Variants in PKD1L1 observed in about 807,000 individuals in gnomAD.
The protein encoded by PKD1L1 is polycystin-1-like protein 1.
Under a neutral mutation model 323.4 loss-of-function variants are expected in PKD1L1, and 236 were observed. The ratio of observed to expected loss-of-function variants is 0.73; its 90% CI spans 0.66 to 0.81. The LOEUF is 0.81. Among genes scored for constraint, PKD1L1 ranks in the 40% least tolerant of loss-of-function variants. PKD1L1 has a pLI of 0.00. For synonymous variants in PKD1L1, 1,344 were observed against 1,335.0 expected (o/e 1.01, Z -0.15); for missense variants, 3,320 against 3,508.0 (o/e 0.95, Z 1.35).
chr7:47,888,355 C>G (rs1786729955), intron 16 of PKD1L1, among the ~76,000 whole-genome samples: 1 of 152,240 alleles, frequency 6.6e-6, no homozygotes, highest in Non-Finnish European at 1.5e-5. Flanking sequence ...TGCTCTAACA[C>G]TGTGAGATCC....
At chr7:47,877,136 G>T (rs1404035111) in intron 22 of PKD1L1, among the ~76,000 whole-genome samples, 2 of 152,034 alleles carry the variant, frequency 1.3e-5, no homozygotes, top group African/African-American at 4.8e-5. Context: ...GAGGGAAAGG[G>T]CCAGGCTCCT....
chr7:47,835,661 A>G (rs560041691), intron 37 of PKD1L1, among the ~76,000 whole-genome samples: 15 of 152,244 alleles, frequency 9.9e-5, no homozygotes, highest in African/African-American at 3.4e-4. Context: ...TCAGCCCCGC[A>G]AAGTGCTGGG....
chr7:47,897,943 C>A, intron 14 of PKD1L1, 45 bp downstream of exon 14: 2 of 1,463,184 alleles, frequency 1.4e-6, no homozygotes, highest in Non-Finnish European at 9.2e-7. Flanking sequence ...CGATGAGAAG[C>A]ATGGGTTTCA....
intron 2 of PKD1L1, among the ~76,000 whole-genome samples, chr7:47,943,166 ATAT>A (rs1788030591): frequency 2.4e-3 from 79 of 32,886 alleles, no homozygotes; most frequent in African/African-American, 4.9e-3. Context: ...AAAAAAAAAT[ATAT>A]ATATATATAT....
intron 25 of PKD1L1, 48 bp downstream of exon 25, chr7:47,866,371 C>T (rs1030075777): frequency 6.4e-6 from 10 of 1,572,148 alleles, no homozygotes; most frequent in Non-Finnish European, 7.8e-6. Flanking sequence ...AGCCCTGCCA[C>T]TTGATAAAGG....
In PKD1L1 at chr7:47,905,273, T is replaced by A; in HGVS notation, c.1575A>T (p.Thr525=). ...TTGTTTCCTTGGTAACAGCTGTAAA[T>A]GTAATGTCTGTGTCTGTGGCAAACA... ...GTVFATDTDI[T]FTAVTKETIP... Residue 525 remains threonine (T), a synonymous_variant, in exon 11 of 57, where the codon ACA becomes ACT. Transcript: ENST00000289672. The A allele has an allele frequency of 1.2e-6, 2 of 1,614,200 alleles. No homozygotes were observed. Among genetic ancestry groups the A allele is most frequent in the South Asian group, 1.1e-5 (1 of 91,080 alleles).
chr7:47,881,140 T>C (rs1196405047), intron 20 of PKD1L1, among the ~76,000 whole-genome samples: 1 of 152,128 alleles, frequency 6.6e-6, no homozygotes, highest in Non-Finnish European at 1.5e-5. Context: ...TAAATCATAC[T>C]ATAAAGTATG....
intron 41 of PKD1L1, among the ~76,000 whole-genome samples, chr7:47,832,622 C>T (rs1785370941): frequency 6.6e-6 from 1 of 152,174 alleles, no homozygotes; most frequent in Non-Finnish European, 1.5e-5. Flanking sequence ...CCTGCCAGGC[C>T]AGGCCCACCA....
chr7:47,947,526 C>T (rs1435065219), intron 1 of PKD1L1, among the ~76,000 whole-genome samples: 1 of 152,246 alleles, frequency 6.6e-6, no homozygotes, highest in Non-Finnish European at 1.5e-5. Flanking sequence ...GGTCACCTTG[C>T]TGGCCTCACG....
chr7:47,937,995 A>G (rs1460427106), intron 3 of PKD1L1, among the ~76,000 whole-genome samples: 1 of 152,016 alleles, frequency 6.6e-6, no homozygotes. Flanking sequence ...GAAGCTGGCC[A>G]CCTTGTTTCC....
chr7:47,943,158 AAAAAAATATAT>A (rs1316996742), intron 2 of PKD1L1, among the ~76,000 whole-genome samples: 100 of 65,298 alleles, frequency 1.5e-3, no homozygotes, highest in Admixed American at 3.0e-3. Context: ...AAAAAAAAAA[AAAAAAATATAT>A]ATATATATAT....
At chr7:47,903,244 A>G (rs912696101) in intron 12 of PKD1L1, among the ~76,000 whole-genome samples, 3 of 152,326 alleles carry the variant, frequency 2.0e-5, no homozygotes, top group South Asian at 4.1e-4. Context: ...CCAGAATATC[A>G]CTTGCCATCC....
intron 19 of PKD1L1, among the ~76,000 whole-genome samples, chr7:47,883,127 G>A (rs1257818937): frequency 1.3e-5 from 2 of 152,244 alleles, no homozygotes; most frequent in Admixed American, 6.5e-5. Context: ...ACGAATGTGA[G>A]CCTCTACAAC....
intron 31 of PKD1L1, among the ~76,000 whole-genome samples, chr7:47,847,792 T>A (rs1785696048): frequency 6.6e-6 from 1 of 152,160 alleles, no homozygotes; most frequent in African/African-American, 2.4e-5. Context: ...AACACATGAA[T>A]GACTTCTTTT....
In PKD1L1 at chr7:47,917,658, A is replaced by G. The variant is rs533257589; in HGVS notation, c.1061-2059T>C. Among the ~76,000 whole-genome samples, 4 of 152,324 alleles carry G rather than the reference A, an allele frequency of 2.6e-5. No homozygotes were observed. The South Asian group carries it at 8.3e-4, about 32-fold the overall frequency. ...CTCAGCAGAAACCCTATAAGCCGGA[A>G]GGGTTTGGTCAGTCTCTTCAAACAA... On this transcript the variant is annotated intron_variant, in intron 7 of 56. Transcript: ENST00000289672.
chr7:47,960,889 T>C, the PKD1L1 span, among the ~76,000 whole-genome samples: 2 of 145,308 alleles, frequency 1.4e-5, no homozygotes, highest in African/African-American at 5.0e-5. Flanking sequence ...AAGATTAGCT[T>C]TGTTTGGGCC....
intron 26 of PKD1L1, 47 bp downstream of exon 26, chr7:47,865,169 A>G (rs778747095): frequency 4.2e-6 from 6 of 1,438,636 alleles, no homozygotes; most frequent in Non-Finnish European, 5.8e-6. Flanking sequence ...ATGTCCCTCA[A>G]AACTATATAA....
chr7:47,878,702 G>C (rs1786461908), intron 21 of PKD1L1, among the ~76,000 whole-genome samples: 1 of 152,222 alleles, frequency 6.6e-6, no homozygotes, highest in Admixed American at 6.5e-5. Flanking sequence ...CTTAGGAAGG[G>C]ATGTGGGGAA....
At chr7:47,882,378 G>A (rs1049836851) in intron 19 of PKD1L1, among the ~76,000 whole-genome samples, 2 of 146,998 alleles carry the variant, frequency 1.4e-5, no homozygotes, top group Non-Finnish European at 1.5e-5. Context: ...TCTAGAAATA[G>A]GAGACACAGC....
Sources: gnomAD v4.1 joint callset for allele counts (sites outside exome capture counted in the v4.1 genomes callset) on GRCh38, gnomAD v4.1.1 for gene constraint, MANE v1.5 for transcripts, NCBI Gene and HGNC (gene_info 2026-07-23, HGNC 2026-07-21) for gene names.